The following CADPS variants were observed in gnomAD, a reference collection of about 807,000 sequenced individuals.
CADPS encodes the protein calcium dependent secretion activator, also known as calcium-dependent secretion activator 1.
A neutral mutation model predicts 167.3 loss-of-function variants in CADPS; 57 were observed. The ratio of observed to expected loss-of-function variants is 0.34; its 90% confidence interval spans 0.28 to 0.42. The LOEUF (loss-of-function observed/expected upper bound fraction) is 0.42. Ranked by LOEUF, CADPS falls within the 20% of genes least tolerant of loss-of-function variation. CADPS has a pLI of 1.00. For synonymous variants in CADPS, 676 were observed against 635.3 expected (o/e 1.06, Z -0.96); for missense variants, 1,414 against 1,738.1 (o/e 0.81, Z 3.32).
chr3:62,692,650 T>C (rs2079389547), intron 3 of CADPS, among the ~76,000 whole-genome samples: 2 of 152,050 alleles, frequency 1.3e-5, no homozygotes, highest in African/African-American at 4.8e-5. Context: ...CTCACTGCCA[T>C]CAACCTAGTC....
At chr3:62,651,134 T>C in intron 4 of CADPS, 54 bp from the exon 5 acceptor site, 5 of 1,275,240 alleles carry the variant, frequency 3.9e-6, no homozygotes, top group Non-Finnish European at 5.6e-6. Flanking sequence ...AGCTGATTTA[T>C]AAAGAAGGTC....
chr3:62,839,847 G>A (rs944334636), intron 1 of CADPS, among the ~76,000 whole-genome samples: 1 of 152,148 alleles, frequency 6.6e-6, no homozygotes, highest in East Asian at 1.9e-4. Context: ...ATGACTTGGT[G>A]ATTGATTAAA....
chr3:62,762,018 C>A (rs1166709273), intron 2 of CADPS, among the ~76,000 whole-genome samples: 1 of 152,204 alleles, frequency 6.6e-6, no homozygotes, highest in African/African-American at 2.4e-5. Flanking sequence ...TTTCTCCCAT[C>A]CCCACTCATG....
chr3:62,529,332 C>G (rs1223657272), intron 13 of CADPS, among the ~76,000 whole-genome samples: 1 of 152,072 alleles, frequency 6.6e-6, no homozygotes, highest in African/African-American at 2.4e-5. Context: ...TTTTTCGTGG[C>G]CTAAGAAATA....
chr3:62,826,081 A>T lies in CADPS; in HGVS notation c.441+48508T>A, dbSNP rs538979995. 2.0e-5 allele frequency among the ~76,000 whole-genome samples: 3 copies of T among 152,308 alleles called. No homozygotes were observed. In the South Asian group the frequency reaches 6.2e-4, roughly 32 times the overall value. The stretch of plus-strand genomic sequence containing the variant: ...TCCTAAATCCTAATGTGACCTTGGG[A>T]CATAGCTTTTGCCTTATCCCAAGAA... On this transcript the variant is annotated intron_variant, in intron 1 of 29. Coordinates refer to ENST00000383710, the MANE Select transcript of CADPS (RefSeq NM_003716.4).
intron 3 of CADPS, among the ~76,000 whole-genome samples, chr3:62,752,583 T>C (rs1038235887): frequency 6.6e-6 from 1 of 152,224 alleles, no homozygotes; most frequent in Non-Finnish European, 1.5e-5. Flanking sequence ...CTGGGAATAT[T>C]AGCAAACAAG....
In CADPS at chr3:62,563,738, ATG is replaced by A. The variant is rs113526657; in HGVS notation, c.1645-6227_1645-6226del. On this transcript the variant is annotated intron_variant, in intron 9 of 29. Transcript: ENST00000383710. ...CCCCAAAGTCCATCGTATTATTGTTATGTCTTTGCATCCTCATAGTTTAGCCC... is the reference window on the plus strand; with the variant it reads ...CCCCAAAGTCCATCGTATTATTGTTATCTTTGCATCCTCATAGTTTAGCCC... Among the ~76,000 whole-genome samples the A allele has an allele frequency of 4.9e-3, 738 of 152,018 alleles. 7 individuals are homozygous for A. The highest frequency in any genetic ancestry group is 0.038 in the South Asian group (181 of 4,810).
chr3:62,582,316 C>T (rs573680374), intron 8 of CADPS, among the ~76,000 whole-genome samples: 1 of 152,230 alleles, frequency 6.6e-6, no homozygotes, highest in Non-Finnish European at 1.5e-5. Context: ...TGTGGTGGTG[C>T]ACACCTGTGG....
rs866246277 is a variant in CADPS, at chr3:62,605,325, C to T, written c.1326-12577G>A. On this transcript the variant is annotated intron_variant, in intron 6 of 29. Transcript: ENST00000383710. ...AGTCCTGAAGACAACTTTGGCTATG[C>T]CCCTCATTTATAAATGAAGAAGCTG... is the stretch of plus-strand genomic sequence containing the variant. Among the ~76,000 whole-genome samples, 8 of 152,032 alleles carry T rather than the reference C, an allele frequency of 5.3e-5. No individual in the cohort carries two copies. In the South Asian group the frequency reaches 6.2e-4, roughly 12 times the overall value.
In CADPS at chr3:62,485,527, T is replaced by C. The variant is rs1424639902; in HGVS notation, c.3027-3658A>G. Among the ~76,000 whole-genome samples the C allele has an allele frequency of 4.6e-5, 7 of 152,314 alleles. 1 individual carries two copies. The East Asian group carries it at 9.7e-4, about 21-fold the overall frequency. ...AAATTACAGATTTTACATTGGCAAA[T>C]AGAGTCGTTTTTCCTTTTTCATGAT... On this transcript the variant is annotated intron_variant, in intron 21 of 29. Coordinates refer to ENST00000383710, the MANE Select transcript of CADPS (RefSeq NM_003716.4).
At chr3:62,867,031 A>C (rs2081827919) in intron 1 of CADPS, among the ~76,000 whole-genome samples, 1 of 151,964 alleles carries the variant, frequency 6.6e-6, no homozygotes, top group African/African-American at 2.4e-5. Flanking sequence ...TAGATATATA[A>C]AGTTTTGAAC....
intron 2 of CADPS, among the ~76,000 whole-genome samples, chr3:62,763,005 T>C (rs1461730656): frequency 1.3e-5 from 2 of 152,138 alleles, no homozygotes; most frequent in Non-Finnish European, 2.9e-5. Flanking sequence ...GGATATCTGT[T>C]GGTTTTGTCT....
intron 3 of CADPS, among the ~76,000 whole-genome samples, chr3:62,663,631 A>G (rs914493256): frequency 2.1e-5 from 3 of 141,354 alleles, no homozygotes; most frequent in Non-Finnish European, 4.6e-5. Context: ...AAAAAAAAAA[A>G]GATTCTCACC....
chr3:62,476,708 G>T (rs1283364157), intron 23 of CADPS, among the ~76,000 whole-genome samples: 1 of 152,048 alleles, frequency 6.6e-6, no homozygotes, highest in Non-Finnish European at 1.5e-5. Flanking sequence ...CCCATTTCTT[G>T]CTCCCTACCC....
Position 62,433,772 on chromosome 3 carries a change from A to G in CADPS, c.3777+4332T>C, listed in dbSNP as rs2054444365. Among the ~76,000 whole-genome samples the G allele has an allele frequency of 6.6e-6, 1 of 152,212 alleles. No homozygotes were observed. Among genetic ancestry groups the G allele is most frequent in the Non-Finnish European group, 1.5e-5 (1 of 68,032 alleles). ...GTCTGTGTCTTCAAGAAGTACAAGG[A>G]AGAAAGAAAATTAATTTTTGTTTAG... On this transcript the variant is annotated intron_variant, in intron 28 of 29. Transcript: ENST00000383710. This position sits in a 1 kb window ranked among gnomAD's most constrained non-coding sequence, Gnocchi z 4.7.
intron 9 of CADPS, among the ~76,000 whole-genome samples, chr3:62,569,474 T>G (rs1361845113): frequency 6.6e-6 from 1 of 152,226 alleles, no homozygotes; most frequent in Non-Finnish European, 1.5e-5. Flanking sequence ...AAGGTTTTGT[T>G]CTACCCTACA....
At chr3:62,833,762 ACCCCTTG>A (rs1271987509) in intron 1 of CADPS, among the ~76,000 whole-genome samples, 3 of 152,136 alleles carry the variant, frequency 2.0e-5, no homozygotes, top group Admixed American at 1.3e-4. Context: ...CTCCCTCCAC[ACCCCTTG>A]CCCCAAAACA....
At chr3:62,755,909 G>A (rs1689193052) in intron 2 of CADPS, among the ~76,000 whole-genome samples, 1 of 152,136 alleles carries the variant, frequency 6.6e-6, no homozygotes, top group South Asian at 2.1e-4. Flanking sequence ...AGTGTTTTGA[G>A]GCTAGTGGAG....
chr3:62,723,621 C>T (rs935853833), intron 3 of CADPS, among the ~76,000 whole-genome samples: 10 of 152,014 alleles, frequency 6.6e-5, no homozygotes. Context: ...GAAATATATC[C>T]CTCTAAAAAT....
Sources: gnomAD v4.1 joint callset for allele counts (sites outside exome capture counted in the v4.1 genomes callset) on GRCh38, gnomAD v4.1.1 for gene constraint, Gnocchi (gnomAD v3.1) non-coding constraint, MANE v1.5 for transcripts, NCBI Gene and HGNC (gene_info 2026-07-23, HGNC 2026-07-21) for gene names.